PDE4D: variants seen among roughly 807,000 people sequenced by gnomAD.
PDE4D encodes the protein 3',5'-cyclic-AMP phosphodiesterase 4D.
In PDE4D, 24 loss-of-function variants were observed where a neutral mutation model predicts 87.4. The ratio of observed to expected loss-of-function variants is 0.27; its 90% confidence interval spans 0.20 to 0.39. The LOEUF (loss-of-function observed/expected upper bound fraction) is 0.39. PDE4D is among the 10% of genes least tolerant of loss of function. PDE4D has a pLI of 1.00. For synonymous variants in PDE4D, 384 were observed against 383.2 expected (o/e 1.00, Z -0.02); for missense variants, 714 against 1,041.0 (o/e 0.69, Z 4.32).
intron 1 of PDE4D, among the ~76,000 whole-genome samples, chr5:60,477,124 G>A (rs561860559): frequency 2.7e-4 from 41 of 152,236 alleles, no homozygotes; most frequent in African/African-American, 9.6e-4. Context: ...CAAACCTGGA[G>A]TTAAGGAGAG....
chr5:59,002,671 C>T (rs2153354771), intron 6 of PDE4D, among the ~76,000 whole-genome samples: 1 of 152,270 alleles, frequency 6.6e-6, no homozygotes, highest in East Asian at 1.9e-4. Context: ...AAGAAGCCAT[C>T]CTAGCCATCC....
At position 60,333,669 on chromosome 5, in the gene PDE4D, G is replaced by C. The variant is rs60275927; in HGVS notation, c.-89-147982C>G. Among the ~76,000 whole-genome samples, 6 of 152,162 alleles carry C rather than the reference G, an allele frequency of 3.9e-5. No individual in the cohort carries two copies. The East Asian group carries it at 1.2e-3, about 29-fold the overall frequency. On this transcript the variant is annotated intron_variant, in intron 1 of 16. Transcript: ENST00000502484. ...TGCTACATTTAAACCTGTCAATCAC[G>C]CCCCAAACTTCTACCAGCTTCCTCA...
At chr5:59,089,955 C>T (rs2968018) in intron 5 of PDE4D, among the ~76,000 whole-genome samples, 33,108 of 151,944 alleles carry the variant, frequency 0.22, 4,219 homozygotes, top group East Asian at 0.57. Context: ...CCACTGACCA[C>T]GTCAAGCTGC....
intron 3 of PDE4D, among the ~76,000 whole-genome samples, chr5:59,904,986 TTTGC>T (rs150024778): frequency 0.013 from 1,960 of 152,238 alleles, 39 homozygotes; most frequent in East Asian, 0.09. Flanking sequence ...TTTTAATGTG[TTTGC>T]TTGCTTGCTC....
chr5:60,472,371 T>G (rs1262201251), intron 1 of PDE4D, among the ~76,000 whole-genome samples: 1 of 151,990 alleles, frequency 6.6e-6, no homozygotes, highest in Non-Finnish European at 1.5e-5. Flanking sequence ...AGCACCGGAG[T>G]TCCTACTCTT....
intron 2 of PDE4D, among the ~76,000 whole-genome samples, chr5:60,044,332 C>G (rs868345476): frequency 6.6e-6 from 1 of 151,208 alleles, no homozygotes; most frequent in South Asian, 2.1e-4. Flanking sequence ...TGTTTCTTAA[C>G]ATCTTTGACA....
intron 1 of PDE4D, among the ~76,000 whole-genome samples, chr5:59,821,289 T>C (rs150749512): frequency 6.6e-6 from 1 of 151,408 alleles, no homozygotes; most frequent in African/African-American, 2.4e-5. Context: ...GAAAAAGAAA[T>C]AGAAAATTAG....
chr5:59,706,333 G>T (rs62370501), intron 1 of PDE4D, among the ~76,000 whole-genome samples: 1 of 152,094 alleles, frequency 6.6e-6, no homozygotes, highest in Non-Finnish European at 1.5e-5. Context: ...TTTCAGCTCA[G>T]GAAGTGACTA....
chr5:59,912,346 G>A (rs779405401), intron 3 of PDE4D, among the ~76,000 whole-genome samples: 1 of 152,292 alleles, frequency 6.6e-6, no homozygotes, highest in Non-Finnish European at 1.5e-5. Context: ...AATACTTGAG[G>A]AAAATATTTC....
At chr5:59,715,478 C>G (rs1432006993) in intron 1 of PDE4D, among the ~76,000 whole-genome samples, 1 of 152,214 alleles carries the variant, frequency 6.6e-6, no homozygotes, top group Non-Finnish European at 1.5e-5. Context: ...CAGCCTAGTA[C>G]TGACTCCATA....
At chr5:59,943,952 G>A (rs1757456766) in intron 3 of PDE4D, among the ~76,000 whole-genome samples, 2 of 152,186 alleles carry the variant, frequency 1.3e-5, no homozygotes, top group South Asian at 4.1e-4. Context: ...TGGCAAATGA[G>A]GAAATGCAGG....
intron 1 of PDE4D, among the ~76,000 whole-genome samples, chr5:59,384,765 C>T (rs414746): frequency 0.38 from 56,153 of 148,550 alleles, 11,621 homozygotes; most frequent in African/African-American, 0.58. Context: ...TATGCTTATA[C>T]TGGGTTTTTT....
At chr5:60,223,229 T>G (rs1204510631) in intron 1 of PDE4D, among the ~76,000 whole-genome samples, 1 of 151,972 alleles carries the variant, frequency 6.6e-6, no homozygotes, top group African/African-American at 2.4e-5. Flanking sequence ...TCTGAGGAGA[T>G]CCTTGAAAGA....
At chr5:59,807,709 TCTGCATTTGAA>T (rs765982271) in intron 1 of PDE4D, among the ~76,000 whole-genome samples, 25 of 152,228 alleles carry the variant, frequency 1.6e-4, no homozygotes, top group Non-Finnish European at 3.4e-4. Context: ...ACATTCAGGT[TCTGCATTTGAA>T]CTTGATCTTC....
intron 2 of PDE4D, among the ~76,000 whole-genome samples, chr5:60,144,817 T>C (rs1455151927): frequency 1.3e-5 from 2 of 152,198 alleles, no homozygotes; most frequent in African/African-American, 4.8e-5. Flanking sequence ...ATGGCACCAA[T>C]TGCCATCCAG....
intron 1 of PDE4D, among the ~76,000 whole-genome samples, chr5:59,842,288 A>C (rs1743135117): frequency 6.6e-6 from 1 of 152,054 alleles, no homozygotes; most frequent in Non-Finnish European, 1.5e-5. Context: ...ATGCAGAGTC[A>C]AGAGTGACTG....
chr5:60,500,679 G>C (rs186287642), intron 1 of PDE4D, among the ~76,000 whole-genome samples: 3 of 152,306 alleles, frequency 2.0e-5, no homozygotes, highest in African/African-American at 7.2e-5. Flanking sequence ...TCCTGGCTTT[G>C]CCACTTAGCT....
intron 1 of PDE4D, among the ~76,000 whole-genome samples, chr5:60,472,102 A>G: frequency 6.6e-6 from 1 of 152,336 alleles, no homozygotes; most frequent in Non-Finnish European, 1.5e-5. Context: ...ATTCAGTAAT[A>G]TGGGAAAATA....
chr5:60,282,429 A>G (rs1368501676), intron 1 of PDE4D, among the ~76,000 whole-genome samples: 3 of 152,226 alleles, frequency 2.0e-5, no homozygotes, highest in South Asian at 2.1e-4. Flanking sequence ...TTTCAGTGAC[A>G]GTGAAAACAT....
Sources: gnomAD v4.1 joint callset for allele counts (sites outside exome capture counted in the v4.1 genomes callset) on GRCh38, gnomAD v4.1.1 for gene constraint, MANE v1.5 for transcripts, NCBI Gene and HGNC (gene_info 2026-07-23, HGNC 2026-07-21) for gene names.